ROR1: variants seen among roughly 807,000 people sequenced by gnomAD.
ROR1 encodes inactive tyrosine-protein kinase transmembrane receptor ROR1.
In ROR1, 19 loss-of-function variants were observed where a neutral mutation model predicts 78.8. The observed-to-expected ratio is 0.24, with a 90% CI of 0.17 to 0.35. ROR1 has a LOEUF of 0.35. Among genes scored for constraint, ROR1 ranks in the 10% least tolerant of loss-of-function variants. The probability of loss-of-function intolerance (pLI) is 1.00; values close to 1 mark genes in which losing one functional copy is unlikely to be tolerated. For synonymous variants in ROR1, 386 were observed against 433.6 expected, an observed-to-expected ratio of 0.89 and a Z score of 1.36; for missense variants, 917 against 1,177.8, an observed-to-expected ratio of 0.78 and a Z score of 3.24.
intron 1 of ROR1, among the ~76,000 whole-genome samples, chr1:63,898,767 C>T (rs954841305): frequency 1.8e-4 from 27 of 152,026 alleles, no homozygotes; most frequent in African/African-American, 6.0e-4. Flanking sequence ...TGTGTGGCGC[C>T]GTACTCACTG....
chr1:64,107,187 T>C (rs958381079), intron 4 of ROR1: 2 of 152,222 alleles, frequency 1.3e-5, no homozygotes, highest in South Asian at 4.1e-4. Flanking sequence ...ATTTAATTTT[T>C]AGAATAACCT....
At chr1:64,026,220 T>C (rs1646608491) in intron 2 of ROR1, among the ~76,000 whole-genome samples, 1 of 152,210 alleles carries the variant, frequency 6.6e-6, no homozygotes, top group Non-Finnish European at 1.5e-5. Context: ...GACTTTGCAG[T>C]AAGATTGGCC....
rs527398283 is a variant in ROR1 at position 63,984,699 on chromosome 1, A to C, written c.92-24606A>C. ...ATGCCTGGGAATGCAGTCTCCTGGA[A>C]TTGCATTTAGGATCCTGACTCAATA... is the stretch of plus-strand genomic sequence containing the variant. On this transcript the variant is annotated intron_variant, in intron 1 of 8. Transcript: ENST00000371079. Among the ~76,000 whole-genome samples, 8 of 152,294 alleles carry C rather than the reference A, an allele frequency of 5.3e-5. No individual in the cohort carries two copies. In the South Asian group the frequency reaches 1.7e-3, roughly 32 times the overall value.
chr1:63,939,962 A>G (rs2100455202), intron 1 of ROR1, among the ~76,000 whole-genome samples: 1 of 152,328 alleles, frequency 6.6e-6, no homozygotes, highest in African/African-American at 2.4e-5. Context: ...TTGTGAAGGA[A>G]GAAACATGAG....
chr1:63,878,013 T>C (rs144811353), intron 1 of ROR1, among the ~76,000 whole-genome samples: 7 of 152,286 alleles, frequency 4.6e-5, no homozygotes, highest in African/African-American at 1.4e-4. Flanking sequence ...GAGTGAGTAG[T>C]GCTTCTAGAG....
intron 1 of ROR1, among the ~76,000 whole-genome samples, chr1:63,981,131 C>T (rs1347324980): frequency 6.6e-6 from 1 of 152,118 alleles, no homozygotes; most frequent in Non-Finnish European, 1.5e-5. Flanking sequence ...TCTGTCCCCA[C>T]CATTTGTTTA....
chr1:64,137,942 G>A lies in ROR1; in HGVS notation c.610+446G>A, dbSNP rs149138197. On this transcript the variant is annotated intron_variant, in intron 5 of 8. Transcript: ENST00000371079. ...TATGACAGTGAACTTTGGGGAAATC[G>A]CTTACTTTCCCAAAAAGTCCCCTTC... Among the ~76,000 whole-genome samples, 597 of 152,268 alleles carry A rather than the reference G, an allele frequency of 3.9e-3. 5 individuals are homozygous for A. The highest frequency in any genetic ancestry group is 0.018 in the South Asian group (86 of 4,826).
intron 1 of ROR1, among the ~76,000 whole-genome samples, chr1:63,940,273 C>T (rs1004643793): frequency 2.0e-5 from 3 of 152,084 alleles, no homozygotes; most frequent in Non-Finnish European, 2.9e-5. Flanking sequence ...GCCTGGAGCA[C>T]TTTGTTGTAC....
At chr1:64,073,974 G>A (rs952991414) in intron 4 of ROR1, among the ~76,000 whole-genome samples, 1 of 152,210 alleles carries the variant, frequency 6.6e-6, no homozygotes, top group Non-Finnish European at 1.5e-5. Context: ...AGTTCTTAAC[G>A]GGGTTACAGT....
chr1:63,827,598 C>A (rs1291905343), intron 1 of ROR1, among the ~76,000 whole-genome samples: 1 of 152,162 alleles, frequency 6.6e-6, no homozygotes, highest in East Asian at 1.9e-4. Flanking sequence ...TGATGACACA[C>A]AATTTGGATG....
At chr1:63,900,445 C>A in intron 1 of ROR1, among the ~76,000 whole-genome samples, 1 of 105,252 alleles carries the variant, frequency 9.5e-6, no homozygotes, top group Non-Finnish European at 2.0e-5. Flanking sequence ...CAGAGTGAGA[C>A]TCCATCTCAA....
rs192503793 is a variant in ROR1 at position 63,788,759 on chromosome 1, C to T, written c.91+14251C>T. 712 of 501,064 alleles carry T rather than the reference C, an allele frequency of 1.4e-3. 7 individuals carry two copies. Among genetic ancestry groups the T allele is most frequent in the African/African-American group, 0.013 (648 of 50,334 alleles). The allele number at this position is 501,064 out of a possible 1,614,324, so 31.0% of individuals were successfully genotyped here. ...TCCTTGGACAAGGTCTTGATGATTT[C>T]CTCCTTCTTGACCTGGAGGCACTCT... is the stretch of plus-strand genomic sequence containing the variant. On this transcript the variant is annotated intron_variant, in intron 1 of 8. Transcript: ENST00000371079.
intron 1 of ROR1, among the ~76,000 whole-genome samples, chr1:63,812,201 C>G (rs895746058): frequency 1.3e-5 from 2 of 152,158 alleles, no homozygotes; most frequent in Non-Finnish European, 2.9e-5. Flanking sequence ...ACCTAGTGAT[C>G]TGTCCGCCTC....
chr1:63,901,447 C>A (rs1456595623), intron 1 of ROR1, among the ~76,000 whole-genome samples: 1 of 152,142 alleles, frequency 6.6e-6, no homozygotes, highest in Non-Finnish European at 1.5e-5. Context: ...AGTGTAATAG[C>A]ACTGTGCTCA....
intron 2 of ROR1, among the ~76,000 whole-genome samples, chr1:64,027,905 C>T (rs778504977): frequency 2.2e-4 from 33 of 152,120 alleles, no homozygotes; most frequent in Non-Finnish European, 4.1e-4. Flanking sequence ...CCAGGATAGT[C>T]TTGATCTCCT....
chr1:63,878,620 G>A (rs917422291), intron 1 of ROR1, among the ~76,000 whole-genome samples: 13 of 152,010 alleles, frequency 8.6e-5, no homozygotes, highest in African/African-American at 3.1e-4. Flanking sequence ...GGACTCTGTG[G>A]GTCTAGCCTC....
intron 4 of ROR1, among the ~76,000 whole-genome samples, chr1:64,097,575 G>GTATA (rs10632011): frequency 0.55 from 81,541 of 148,934 alleles, 22,872 homozygotes; most frequent in African/African-American, 0.68. Context: ...ATTTCATATA[G>GTATA]TATATATATA....
At chr1:63,796,131 A>C (rs1247880185) in intron 1 of ROR1, among the ~76,000 whole-genome samples, 1 of 151,606 alleles carries the variant, frequency 6.6e-6, no homozygotes, top group East Asian at 1.9e-4. Flanking sequence ...ATGGGAAAGG[A>C]CGATGGGATT....
chr1:63,836,331 C>T (rs1272954586), intron 1 of ROR1, among the ~76,000 whole-genome samples: 1 of 152,130 alleles, frequency 6.6e-6, no homozygotes, highest in Non-Finnish European at 1.5e-5. Context: ...ATTTTTAGGA[C>T]CTGTTTATCT....
Sources: gnomAD v4.1 joint callset for allele counts (sites outside exome capture counted in the v4.1 genomes callset) on GRCh38, gnomAD v4.1.1 for gene constraint, MANE v1.5 for transcripts, NCBI Gene and HGNC (gene_info 2026-07-23, HGNC 2026-07-21) for gene names.